Variants in FNDC3A observed in about 807,000 individuals in gnomAD.
The protein encoded by FNDC3A is fibronectin type III domain containing 3A, also known as fibronectin type-III domain-containing protein 3A.
Under a neutral mutation model 148.9 loss-of-function variants are expected in FNDC3A, and 32 were observed. The observed-to-expected ratio is 0.21, with a 90% CI of 0.16 to 0.29. The LOEUF is 0.29. FNDC3A is among the 10% of genes least tolerant of loss of function. The pLI, the probability that FNDC3A is intolerant of heterozygous loss-of-function variation, is 1.00. For missense variants in FNDC3A, 1,191 were observed against 1,452.8 expected, an observed-to-expected ratio of 0.82 and a Z score of 2.93; for synonymous variants, 472 against 473.6, an observed-to-expected ratio of 1.00 and a Z score of 0.04.
At chr13:49,181,189 G>T (rs987692349) in intron 14 of FNDC3A, among the ~76,000 whole-genome samples, 2 of 152,202 alleles carry the variant, frequency 1.3e-5, no homozygotes, top group African/African-American at 4.8e-5. Context: ...ACAGTAGGCT[G>T]TTGCACAAAA....
At chr13:49,073,553 A>G (rs1392697429) in intron 2 of FNDC3A, among the ~76,000 whole-genome samples, 1 of 151,704 alleles carries the variant, frequency 6.6e-6, no homozygotes, top group Non-Finnish European at 1.5e-5. Context: ...CACAGTCAAT[A>G]ATATTGTATG....
Position 49,067,282 on chromosome 13 carries a change from G to A in FNDC3A, c.100-8007G>A, listed in dbSNP as rs577723166. ...TTTATGCTTTAAATATCTCTGATTT[G>A]TCTATCAACTAATAACATTAGAGCA... is the stretch of plus-strand genomic sequence containing the variant. On this transcript the variant is annotated intron_variant, in intron 2 of 25. Coordinates refer to ENST00000492622, the MANE Select transcript of FNDC3A (RefSeq NM_001079673.2). Among the ~76,000 whole-genome samples, 187 of 152,190 alleles carry A rather than the reference G, an allele frequency of 1.2e-3. 2 individuals are homozygous for A. Among genetic ancestry groups the A allele is most frequent in the South Asian group, 3.7e-3 (18 of 4,822 alleles).
At chr13:49,121,410 A>G (rs1186904101) in intron 4 of FNDC3A, among the ~76,000 whole-genome samples, 1 of 152,222 alleles carries the variant, frequency 6.6e-6, no homozygotes, top group East Asian at 1.9e-4. Context: ...TCTAAAATCA[A>G]CACCCTAACA....
intron 4 of FNDC3A, among the ~76,000 whole-genome samples, chr13:49,128,283 C>G (rs538184612): frequency 6.6e-6 from 1 of 152,332 alleles, no homozygotes; most frequent in South Asian, 2.1e-4. Context: ...ACTACAGTAG[C>G]TTTCTGAATG....
intron 4 of FNDC3A, among the ~76,000 whole-genome samples, chr13:49,125,031 T>C (rs1881607782): frequency 6.6e-6 from 1 of 152,138 alleles, no homozygotes; most frequent in South Asian, 2.1e-4. Flanking sequence ...GTTATGGTAA[T>C]GAGAGGGTGC....
At chr13:49,106,785 A>AG (rs1281375648) in intron 3 of FNDC3A, among the ~76,000 whole-genome samples, 1 of 150,776 alleles carries the variant, frequency 6.6e-6, no homozygotes, top group Non-Finnish European at 1.5e-5. Flanking sequence ...AAAAAAAAAA[A>AG]AAAAAAAACC....
chr13:49,014,905 T>C (rs1389153883), intron 2 of FNDC3A, among the ~76,000 whole-genome samples: 1 of 149,262 alleles, frequency 6.7e-6, no homozygotes, highest in Non-Finnish European at 1.5e-5. Context: ...GATCAGATAG[T>C]TGTAGATATG....
intron 2 of FNDC3A, among the ~76,000 whole-genome samples, chr13:49,032,369 C>T (rs1187959067): frequency 6.6e-6 from 1 of 152,160 alleles, no homozygotes; most frequent in Non-Finnish European, 1.5e-5. Flanking sequence ...AGTGGAAACA[C>T]TCCAAATGTC....
intron 23 of FNDC3A, among the ~76,000 whole-genome samples, chr13:49,200,763 T>A (rs1163733679): frequency 6.6e-6 from 1 of 152,096 alleles, no homozygotes; most frequent in Non-Finnish European, 1.5e-5. Flanking sequence ...TATGATACTG[T>A]TAAGTTTAAT....
At chr13:49,088,866 G>T (rs1162612774) in intron 3 of FNDC3A, among the ~76,000 whole-genome samples, 1 of 152,088 alleles carries the variant, frequency 6.6e-6, no homozygotes, top group Non-Finnish European at 1.5e-5. Context: ...GCACACAGCA[G>T]TGTTTTCTGA....
intron 8 of FNDC3A, among the ~76,000 whole-genome samples, chr13:49,160,692 G>A (rs1275010851): frequency 6.6e-6 from 1 of 151,740 alleles, no homozygotes; most frequent in Non-Finnish European, 1.5e-5. Flanking sequence ...TGCTTCTCTA[G>A]TTCTTTTAAT....
chr13:49,110,333 T>C, intron 3 of FNDC3A: 1 of 1,587,676 alleles, frequency 6.3e-7, no homozygotes, highest in Admixed American at 1.9e-5. Context: ...CAATTAAAGC[T>C]GTTAACGTGT....
chr13:48,982,154 T>G (rs1356007114), intron 1 of FNDC3A, among the ~76,000 whole-genome samples: 1 of 152,160 alleles, frequency 6.6e-6, no homozygotes, highest in Non-Finnish European at 1.5e-5. Context: ...ACTTGAAGGA[T>G]TAGTCATTTC....
chr13:49,005,844 A>T (rs1952210384), intron 1 of FNDC3A, among the ~76,000 whole-genome samples: 2 of 151,924 alleles, frequency 1.3e-5, no homozygotes. Flanking sequence ...TAAATTAAAT[A>T]AAATATTATA....
At chr13:48,975,522 T>C (rs1010749983), upstream of FNDC3A, 1 of 152,250 alleles carries the variant, frequency 6.6e-6, no homozygotes, top group Non-Finnish European at 1.5e-5. Context: ...CCTGCCAGCC[T>C]TAAGTTCGCG....
At chr13:49,193,234 A>G (rs770303739) in intron 19 of FNDC3A, among the ~76,000 whole-genome samples, 76 of 152,046 alleles carry the variant, frequency 5.0e-4, no homozygotes, top group Non-Finnish European at 9.3e-4. Flanking sequence ...ATTTGTAGAT[A>G]CCTTTGTATG....
intron 25 of FNDC3A, among the ~76,000 whole-genome samples, chr13:49,206,799 C>T (rs535819784): frequency 6.6e-6 from 1 of 152,252 alleles, no homozygotes; most frequent in Admixed American, 6.5e-5. Flanking sequence ...GCTTGAGGAC[C>T]GATTTTGCTT....
chr13:49,071,587 A>C (rs1254610642), intron 2 of FNDC3A, among the ~76,000 whole-genome samples: 1 of 152,102 alleles, frequency 6.6e-6, no homozygotes, highest in Non-Finnish European at 1.5e-5. Flanking sequence ...GGTTAAGATA[A>C]TATCTCATTT....
chr13:49,164,509 A>G (rs1315711106), intron 8 of FNDC3A, among the ~76,000 whole-genome samples: 7 of 151,404 alleles, frequency 4.6e-5, no homozygotes, highest in Non-Finnish European at 1.0e-4. Context: ...TAACCCTTTT[A>G]TTTTCTCTTC....
Sources: gnomAD v4.1 joint callset for allele counts (sites outside exome capture counted in the v4.1 genomes callset) on GRCh38, gnomAD v4.1.1 for gene constraint, MANE v1.5 for transcripts, NCBI Gene and HGNC (gene_info 2026-07-23, HGNC 2026-07-21) for gene names.